The following PITPNM2 variants were observed in gnomAD, a reference collection of about 807,000 sequenced individuals.
PITPNM2 encodes the protein phosphatidylinositol transfer protein membrane associated 2, also known as membrane-associated phosphatidylinositol transfer protein 2.
PITPNM2 carries 35 observed loss-of-function variants against 132.2 expected under a neutral mutation model. The ratio of observed to expected loss-of-function variants is 0.26; its 90% confidence interval spans 0.20 to 0.35. PITPNM2 has a LOEUF of 0.35. Ranked by LOEUF, PITPNM2 falls within the 10% of genes least tolerant of loss-of-function variation. The probability of loss-of-function intolerance (pLI) is 1.00; values close to 1 mark genes in which losing one functional copy is unlikely to be tolerated. For synonymous variants in PITPNM2, 738 were observed against 799.2 expected, an observed-to-expected ratio of 0.92 and a Z score of 1.29; for missense variants, 1,332 against 1,912.0, an observed-to-expected ratio of 0.70 and a Z score of 5.66.
chr12:123,133,652 C>T (rs982127834), intron 1 of PITPNM2, among the ~76,000 whole-genome samples: 2 of 152,218 alleles, frequency 1.3e-5, no homozygotes, highest in African/African-American at 2.4e-5. Flanking sequence ...GACTAGAATA[C>T]TTTTCCCTTC....
At position 123,106,438 on chromosome 12, in the gene PITPNM2, T is replaced by A. The variant is rs1338637159; in HGVS notation, c.-96+3947A>T. 1.3e-5 allele frequency among the ~76,000 whole-genome samples: 2 copies of A among 150,340 alleles called. No homozygotes were observed. The highest frequency in any genetic ancestry group is 2.4e-5 in the African/African-American group (1 of 40,944). On this transcript the variant is annotated intron_variant, in intron 2 of 25. Coordinates refer to ENST00000320201, the MANE Select transcript of PITPNM2 (RefSeq NM_020845.3). This position sits in a 1 kb window ranked among gnomAD's most constrained non-coding sequence, Gnocchi z 4.4. Reference sequence around the variant, plus strand: ...AAAAAAAAACAGGAAGAAAAGAAAGTACATTCTCAGGAAGACATGCTGCAT... The same window carrying A: ...AAAAAAAAACAGGAAGAAAAGAAAGAACATTCTCAGGAAGACATGCTGCAT...
At chr12:123,016,829 A>C (rs770499181) in intron 3 of PITPNM2, among the ~76,000 whole-genome samples, 1 of 150,496 alleles carries the variant, frequency 6.6e-6, no homozygotes, top group Non-Finnish European at 1.5e-5. Context: ...CTGGATCATG[A>C]AGTCAGGAGT....
chr12:123,042,991 T>C (rs2040545984), intron 2 of PITPNM2, among the ~76,000 whole-genome samples: 1 of 152,106 alleles, frequency 6.6e-6, no homozygotes, highest in African/African-American at 2.4e-5. Context: ...CAGCTGCCTC[T>C]CTGTGTCCTG....
intron 2 of PITPNM2, among the ~76,000 whole-genome samples, chr12:123,096,640 G>A (rs978743559): frequency 1.3e-5 from 2 of 152,138 alleles, no homozygotes; most frequent in Admixed American, 1.3e-4. Context: ...CAGGCCCGGG[G>A]GCATCTGGAA....
intron 2 of PITPNM2, among the ~76,000 whole-genome samples, chr12:123,068,266 G>A (rs1335618742): frequency 6.6e-6 from 1 of 152,064 alleles, no homozygotes; most frequent in Non-Finnish European, 1.5e-5. Flanking sequence ...AGGAGATCGA[G>A]AACATCCTGG....
chr12:122,984,766 GA>G lies in PITPNM2; in HGVS notation c.*1260del, dbSNP rs2037867539. On this transcript the variant is annotated 3_prime_UTR_variant, in exon 26 of 26. Coordinates refer to ENST00000320201, the MANE Select transcript of PITPNM2 (RefSeq NM_020845.3). Reference sequence around the variant, plus strand: ...GCCAGGCAGGCTCTCCCACTTCCGGGAAAGCCGAGGAGCAGCAGAGGGGCCG... The same window carrying G: ...GCCAGGCAGGCTCTCCCACTTCCGGGAAGCCGAGGAGCAGCAGAGGGGCCG... 1 of 152,290 alleles carries G rather than the reference GA, an allele frequency of 6.6e-6. No individual in the cohort carries two copies. The highest frequency in any genetic ancestry group is 2.4e-5 in the African/African-American group (1 of 41,458). 9.4% of individuals were successfully genotyped at this position (152,290 alleles called of 1,614,324 possible). A position where few individuals can be genotyped will look rare whatever the true frequency, so the allele number is the denominator to read the frequency against.
intron 2 of PITPNM2, among the ~76,000 whole-genome samples, chr12:123,039,497 C>T (rs140325739): frequency 7.8e-4 from 119 of 152,220 alleles, no homozygotes; most frequent in Non-Finnish European, 1.3e-3. Context: ...GTAGAAATAT[C>T]GTTTCCTCAA....
chr12:123,039,489 A>G (rs1442055867), intron 2 of PITPNM2, among the ~76,000 whole-genome samples: 1 of 152,228 alleles, frequency 6.6e-6, no homozygotes, highest in African/African-American at 2.4e-5. Flanking sequence ...GAACAAAGGT[A>G]GAAATATCGT....
intron 2 of PITPNM2, among the ~76,000 whole-genome samples, chr12:123,067,602 G>T (rs1160381278): frequency 6.6e-6 from 1 of 152,230 alleles, no homozygotes; most frequent in Admixed American, 6.5e-5. Context: ...AACACTTGGG[G>T]CCACCAGAAG....
In PITPNM2 at chr12:123,035,095, C is replaced by T. The variant is rs527490487; in HGVS notation, c.-95-410G>A. ...AGCAGGCAGATCAAATAAAACTAAG[C>T]AGCACAGACATGAGACATTCACAAG... On this transcript the variant is annotated intron_variant, in intron 2 of 25. Coordinates refer to ENST00000320201, the MANE Select transcript of PITPNM2 (RefSeq NM_020845.3). Among the ~76,000 whole-genome samples the T allele has an allele frequency of 6.0e-4, 91 of 152,314 alleles. 1 individual carries two copies. In the South Asian group the frequency reaches 0.017, roughly 29 times the overall value.
At chr12:123,089,542 C>G (rs989876042) in intron 2 of PITPNM2, 5 of 152,146 alleles carry the variant, frequency 3.3e-5, no homozygotes, top group Non-Finnish European at 7.4e-5. Context: ...GTCTTTAAAG[C>G]TGATCCGAGG....
At chr12:123,129,381 A>G (rs780600318) in intron 1 of PITPNM2, among the ~76,000 whole-genome samples, 7 of 152,080 alleles carry the variant, frequency 4.6e-5, no homozygotes, top group African/African-American at 9.7e-5. Context: ...ATCCTGGCTA[A>G]CACGGTGAAA....
At position 123,036,779 on chromosome 12, in the gene PITPNM2, C is replaced by G. The variant is rs2136484052; in HGVS notation, c.-95-2094G>C. On this transcript the variant is annotated intron_variant, in intron 2 of 25. Transcript: ENST00000320201. The surrounding 1 kb of genome is among the most constrained non-coding windows in gnomAD (Gnocchi z 4.1). Reference sequence around the variant, plus strand: ...TAGCTCCCCTCTCTCTGGGAAGTTTCCTTGCCCTGTTCCCCTCCTTGGGGT... The same window carrying G: ...TAGCTCCCCTCTCTCTGGGAAGTTTGCTTGCCCTGTTCCCCTCCTTGGGGT... 6.6e-6 allele frequency among the ~76,000 whole-genome samples: 1 copy of G among 152,298 alleles called. No homozygotes were observed. The highest frequency in any genetic ancestry group is 3.4e-3 in the Middle Eastern group (1 of 294).
At chr12:123,069,809 G>T (rs2041569081) in intron 2 of PITPNM2, among the ~76,000 whole-genome samples, 1 of 152,178 alleles carries the variant, frequency 6.6e-6, no homozygotes, top group Non-Finnish European at 1.5e-5. Flanking sequence ...TTAGATAAAA[G>T]ATTTTAATTC....
intron 2 of PITPNM2, among the ~76,000 whole-genome samples, chr12:123,043,491 G>A (rs952053804): frequency 1.3e-5 from 2 of 152,100 alleles, no homozygotes; most frequent in African/African-American, 4.8e-5. Flanking sequence ...TTAAAGCCCT[G>A]GGCACTGCGG....
At chr12:123,027,731 T>G (rs2039917849) in intron 3 of PITPNM2, among the ~76,000 whole-genome samples, 1 of 152,228 alleles carries the variant, frequency 6.6e-6, no homozygotes, top group South Asian at 2.1e-4. Flanking sequence ...TGGTGTTTCC[T>G]GAAATAGATG....
At chr12:123,033,417 C>A (rs1403431029) in intron 3 of PITPNM2, among the ~76,000 whole-genome samples, 1 of 152,190 alleles carries the variant, frequency 6.6e-6, no homozygotes, top group Non-Finnish European at 1.5e-5. Flanking sequence ...CTGGGGTCAG[C>A]CAGAGGCAGC....
intron 2 of PITPNM2, chr12:123,081,494 T>C (rs1810764934): frequency 6.6e-6 from 1 of 152,292 alleles, no homozygotes; most frequent in Non-Finnish European, 1.5e-5. Flanking sequence ...GGCTGGGCTG[T>C]GGAGCTGGGC....
chr12:123,036,203 G>GT lies in PITPNM2; in HGVS notation c.-95-1519dup, dbSNP rs1303283627. On this transcript the variant is annotated intron_variant, in intron 2 of 25. Transcript: ENST00000320201. This position sits in a 1 kb window ranked among gnomAD's most constrained non-coding sequence, Gnocchi z 4.1. ...CACCCAGGTGCTAAAGCATTACTGG[G>GT]TAGCTAACAAGGTTGAGAAAAACAT... is the stretch of plus-strand genomic sequence containing the variant. 1.3e-5 allele frequency among the ~76,000 whole-genome samples: 2 copies of GT among 152,214 alleles called. No homozygotes were observed. Among genetic ancestry groups the GT allele is most frequent in the Non-Finnish European group, 2.9e-5 (2 of 68,040 alleles).
Sources: allele counts gnomAD v4.1 joint callset (sites outside exome capture counted in the v4.1 genomes callset), GRCh38; gene constraint gnomAD v4.1.1; non-coding constraint Gnocchi (gnomAD v3.1); transcripts MANE v1.5; gene names NCBI Gene and HGNC (gene_info 2026-07-23, HGNC 2026-07-21).